GSTA3: variants seen among roughly 807,000 people sequenced by gnomAD.
GSTA3 encodes the protein glutathione S-transferase A3.
GSTA3 carries 16 observed loss-of-function variants against 23.1 expected under a neutral mutation model. The ratio of observed to expected loss-of-function variants is 0.69; its 90% CI spans 0.47 to 1.05. GSTA3 has a LOEUF of 1.05. GSTA3 is among the 50% of genes least tolerant of loss of function. GSTA3 has a pLI of 0.00. For missense variants in GSTA3, 319 were observed against 263.6 expected (o/e 1.21, Z -1.46); for synonymous variants, 122 against 91.0 (o/e 1.34, Z -1.94).
chr6:52,906,559 A>T (rs1289148100), intron 1 of GSTA3, among the ~76,000 whole-genome samples: 1 of 152,194 alleles, frequency 6.6e-6, no homozygotes, highest in Non-Finnish European at 1.5e-5. Context: ...CTCACTTCAA[A>T]CTATACTACA....
chr6:52,908,719 T>G (rs1765975381), intron 1 of GSTA3, among the ~76,000 whole-genome samples: 1 of 152,226 alleles, frequency 6.6e-6, no homozygotes, highest in South Asian at 2.1e-4. Flanking sequence ...GGGTAATATT[T>G]CATTTGGCAA....
rs1271900274 is a variant in GSTA3, at chr6:52,907,852, A to G, written c.-22+1789T>C. ...GGTGGGGGGAGGGGGGAGGGATAGCATTGGGAGATATACCTAGTGCTGGAT... is the reference window on the plus strand; with the variant it reads ...GGTGGGGGGAGGGGGGAGGGATAGCGTTGGGAGATATACCTAGTGCTGGAT... On this transcript the variant is annotated intron_variant, in intron 1 of 6. Coordinates refer to ENST00000211122, the MANE Select transcript of GSTA3 (RefSeq NM_000847.5). 2.0e-5 allele frequency among the ~76,000 whole-genome samples: 3 copies of G among 150,042 alleles called. No homozygotes were observed. In the South Asian group the frequency reaches 6.5e-4, roughly 32 times the overall value.
At chr6:52,897,152 T>G (rs1382462248) in intron 6 of GSTA3, among the ~76,000 whole-genome samples, 1 of 152,246 alleles carries the variant, frequency 6.6e-6, no homozygotes, top group Non-Finnish European at 1.5e-5. Context: ...ATCAATTCAG[T>G]CATCCCTATC....
chr6:52,903,104 A>C (rs1466198556), intron 3 of GSTA3, among the ~76,000 whole-genome samples: 1 of 152,124 alleles, frequency 6.6e-6, no homozygotes, highest in African/African-American at 2.4e-5. Context: ...GCATGAAAAC[A>C]AGGAAAGGGC....
At chr6:52,906,201 C>T (rs535048071) in intron 1 of GSTA3, among the ~76,000 whole-genome samples, 2 of 152,244 alleles carry the variant, frequency 1.3e-5, no homozygotes, top group African/African-American at 2.4e-5. Flanking sequence ...TCTAGTTCTC[C>T]CCTCAAGAGT....
At chr6:52,907,132 C>T (rs1232337377) in intron 1 of GSTA3, among the ~76,000 whole-genome samples, 4 of 138,696 alleles carry the variant, frequency 2.9e-5, no homozygotes, top group African/African-American at 8.7e-5. Flanking sequence ...AAACAAACAA[C>T]CCCATCAAAA....
At chr6:52,900,767 C>T (rs115670539) in intron 4 of GSTA3, among the ~76,000 whole-genome samples, 2 of 152,178 alleles carry the variant, frequency 1.3e-5, no homozygotes, top group African/African-American at 2.4e-5. Context: ...GCATAAACTT[C>T]GTGTGAGTCA....
Position 52,896,697 on chromosome 6 carries a change from G to A in GSTA3, c.*109C>T, listed in dbSNP as rs1012427202. On this transcript the variant is annotated 3_prime_UTR_variant, in exon 7 of 7. Coordinates refer to ENST00000211122, the MANE Select transcript of GSTA3 (RefSeq NM_000847.5). ...ATTTAATTAGCATATAATTGGAAAG[G>A]GTTCATTAGCTTTACAACAGGCACA... The A allele has an allele frequency of 6.2e-5, 77 of 1,251,192 alleles. 1 individual carries two copies. The highest frequency in any genetic ancestry group is 4.9e-4 in the Admixed American group (22 of 45,184). The allele number at this position is 1,251,192 out of a possible 1,614,324, so 77.5% of individuals were successfully genotyped here. A position where few individuals can be genotyped will look rare whatever the true frequency, so the allele number is the denominator to read the frequency against.
rs1190857278 is a variant in GSTA3 at position 52,899,933 on chromosome 6, CT to C, written c.414del (p.Val139CysfsTer15). ...TKSRYFPAFE[K>X]VLQSHGQDYL... ...CCAAAATGCTGAACAGCTTCACCTA[CT>C]TTTTCGAAGGCAGGGAAATAGCGAC... On this transcript the variant is annotated frameshift_variant and splice_region_variant, in exon 5 of 7. Transcript: ENST00000211122. LOFTEE classifies it high-confidence loss of function. 1 of 1,613,994 alleles carries C rather than the reference CT, an allele frequency of 6.2e-7. No homozygotes were observed.
chr6:52,907,035 A>C (rs1765912762), intron 1 of GSTA3, among the ~76,000 whole-genome samples: 1 of 149,096 alleles, frequency 6.7e-6, no homozygotes, highest in South Asian at 2.1e-4. Flanking sequence ...CAACCTACAA[A>C]ATGGGAGAAA....
At position 52,897,963 on chromosome 6, in the gene GSTA3, A is replaced by G. The variant is rs146356191; in HGVS notation, c.415-7T>C. The G allele has an allele frequency of 1.6e-4, 260 of 1,613,706 alleles. 1 individual carries two copies. In the East Asian group the frequency reaches 4.2e-3, roughly 26 times the overall value. On this transcript the variant is annotated splice_polypyrimidine_tract_variant and splice_region_variant and intron_variant, in intron 5 of 6. Transcript: ENST00000211122. ...GTCCATGGCTCTGTAACACCTGGAG[A>G]ATTTGAGGAATCAGATCAGGAATAC...
intron 5 of GSTA3, among the ~76,000 whole-genome samples, chr6:52,899,026 T>C (rs905622906): frequency 2.0e-5 from 3 of 151,890 alleles, no homozygotes; most frequent in African/African-American, 7.3e-5. Flanking sequence ...GAGGAGAAGG[T>C]AATCGGAATG....
intron 2 of GSTA3, among the ~76,000 whole-genome samples, chr6:52,903,983 T>C (rs1378001889): frequency 1.3e-5 from 2 of 151,826 alleles, no homozygotes; most frequent in Non-Finnish European, 2.9e-5. Flanking sequence ...CTTTTTTATT[T>C]TATTTATTTA....
chr6:52,905,643 G>A (rs1765865405), intron 2 of GSTA3, 105 bp downstream of exon 2: 2 of 602,018 alleles, frequency 3.3e-6, no homozygotes, highest in East Asian at 3.2e-5. Flanking sequence ...TTTATTTGAG[G>A]CCAAAATATT....
At chr6:52,908,189 C>T (rs1178439646) in intron 1 of GSTA3, among the ~76,000 whole-genome samples, 3 of 147,934 alleles carry the variant, frequency 2.0e-5, no homozygotes, top group African/African-American at 5.0e-5. Flanking sequence ...TTGCCTATAG[C>T]GCTCACTGTT....
chr6:52,905,625 G>T, intron 2 of GSTA3, 123 bp downstream of exon 2: 1 of 532,936 alleles, frequency 1.9e-6, no homozygotes, highest in Non-Finnish European at 3.4e-6. Flanking sequence ...AAAATAACTG[G>T]GGATGCTTTT....
intron 1 of GSTA3, among the ~76,000 whole-genome samples, chr6:52,909,172 C>T (rs570605618): frequency 3.2e-4 from 48 of 152,202 alleles, no homozygotes; most frequent in African/African-American, 1.1e-3. Context: ...AGTGCCAGCT[C>T]TAGAGGAATA....
intron 4 of GSTA3, among the ~76,000 whole-genome samples, chr6:52,901,990 C>T (rs188278008): frequency 5.3e-5 from 8 of 152,306 alleles, no homozygotes; most frequent in Admixed American, 3.3e-4. Flanking sequence ...TACAGACTCT[C>T]AAACATTCTA....
rs918347858 is a variant in GSTA3, at chr6:52,905,490, G to T, written c.87+258C>A. On this transcript the variant is annotated intron_variant, in intron 2 of 6. Transcript: ENST00000211122. ...TTGTTTAAATCCTAATGCAAATAAG[G>T]TCCACTCATTGTGATTAGTTAATTC... 7.9e-5 allele frequency among the ~76,000 whole-genome samples: 12 copies of T among 151,816 alleles called. No homozygotes were observed. The East Asian group carries it at 1.2e-3, about 15-fold the overall frequency.
Sources: allele counts gnomAD v4.1 joint callset (sites outside exome capture counted in the v4.1 genomes callset), GRCh38; gene constraint gnomAD v4.1.1; transcripts MANE v1.5; gene names NCBI Gene and HGNC (gene_info 2026-07-23, HGNC 2026-07-21).